TTC27: variants seen among roughly 807,000 people sequenced by gnomAD.
TTC27 encodes the protein tetratricopeptide repeat domain 27.
TTC27 carries 79 observed loss-of-function variants against 115.9 expected under a neutral mutation model. The ratio of observed to expected loss-of-function variants is 0.68; its 90% CI spans 0.57 to 0.82. The LOEUF is 0.82. Ranked by LOEUF, TTC27 falls within the 40% of genes least tolerant of loss-of-function variation. TTC27 has a pLI of 0.00. For synonymous variants in TTC27, 401 were observed against 356.0 expected, an observed-to-expected ratio of 1.13 and a Z score of -1.42; for missense variants, 1,054 against 993.1, an observed-to-expected ratio of 1.06 and a Z score of -0.82.
chr2:32,711,437 A>C (rs751078295), intron 10 of TTC27, among the ~76,000 whole-genome samples: 1 of 152,250 alleles, frequency 6.6e-6, no homozygotes, highest in Non-Finnish European at 1.5e-5. Flanking sequence ...CATTTAGCTC[A>C]TAATCTGAAC....
At chr2:32,652,685 G>A (rs938297346) in intron 5 of TTC27, among the ~76,000 whole-genome samples, 4 of 152,094 alleles carry the variant, frequency 2.6e-5, no homozygotes, top group Admixed American at 1.3e-4. Context: ...AAATAGATTC[G>A]TAGATAGTGC....
At chr2:32,646,305 G>A (rs1273731927) in intron 4 of TTC27, among the ~76,000 whole-genome samples, 1 of 152,078 alleles carries the variant, frequency 6.6e-6, no homozygotes, top group Admixed American at 6.6e-5. Context: ...TGGGATTACA[G>A]GTGTGAGCCA....
chr2:32,820,813 C>T lies in TTC27; in HGVS notation c.2410-3C>T. 1.3e-6 allele frequency: 2 copies of T among 1,527,672 alleles called. No individual in the cohort carries two copies. The highest frequency in any genetic ancestry group is 1.8e-6 in the Non-Finnish European group (2 of 1,133,020). 94.6% of individuals were successfully genotyped at this position (1,527,672 alleles called of 1,614,324 possible). A position where few individuals can be genotyped will look rare whatever the true frequency, so the allele number is the denominator to read the frequency against. ...TACTTCTGCTTTGTTTTTTATATTA[C>T]AGCAACTTTTTACAGATGTGGCAAC... On this transcript the variant is annotated splice_region_variant and splice_polypyrimidine_tract_variant and intron_variant, in intron 19 of 19. Transcript: ENST00000317907.
chr2:32,648,290 G>C (rs1354733569), intron 4 of TTC27, among the ~76,000 whole-genome samples: 1 of 152,012 alleles, frequency 6.6e-6, no homozygotes, highest in Non-Finnish European at 1.5e-5. Context: ...ACCACACCTG[G>C]CTAATTTTTC....
At chr2:32,679,021 A>G in intron 9 of TTC27, 99 bp downstream of exon 9, 1 of 979,034 alleles carries the variant, frequency 1.0e-6, no homozygotes, top group South Asian at 1.5e-5. Flanking sequence ...AAACACTGCC[A>G]CCTAAGGAAA....
intron 12 of TTC27, among the ~76,000 whole-genome samples, chr2:32,751,195 C>T (rs1318994082): frequency 6.6e-6 from 1 of 151,006 alleles, no homozygotes; most frequent in Non-Finnish European, 1.5e-5. Context: ...TTAAGTTTAT[C>T]ATAATCCATG....
At chr2:32,665,690 C>G (rs949006990) in intron 6 of TTC27, among the ~76,000 whole-genome samples, 2 of 151,958 alleles carry the variant, frequency 1.3e-5, no homozygotes, top group African/African-American at 2.4e-5. Flanking sequence ...GTCAGGAGAT[C>G]GAGACCATCC....
intron 5 of TTC27, among the ~76,000 whole-genome samples, chr2:32,660,023 G>C (rs891452514): frequency 1.3e-5 from 2 of 152,146 alleles, no homozygotes; most frequent in African/African-American, 2.4e-5. Context: ...TCCTTTGGGT[G>C]TATACCCAGT....
intron 9 of TTC27, among the ~76,000 whole-genome samples, chr2:32,700,236 C>G (rs906463851): frequency 6.6e-6 from 1 of 152,130 alleles, no homozygotes; most frequent in Non-Finnish European, 1.5e-5. Flanking sequence ...GCTCCCAACT[C>G]TGTGAGAGAT....
intron 8 of TTC27, among the ~76,000 whole-genome samples, chr2:32,672,717 A>AT (rs1172641751): frequency 6.6e-6 from 1 of 152,198 alleles, no homozygotes; most frequent in Non-Finnish European, 1.5e-5. Context: ...GGATAGGATT[A>AT]TTTTTTAATA....
At chr2:32,753,549 A>G (rs1270234031) in intron 12 of TTC27, among the ~76,000 whole-genome samples, 2 of 146,784 alleles carry the variant, frequency 1.4e-5, no homozygotes, top group Non-Finnish European at 3.0e-5. Context: ...TCCCAGGCTC[A>G]AGTGATTCTC....
intron 10 of TTC27, among the ~76,000 whole-genome samples, chr2:32,727,605 A>G (rs532974087): frequency 6.6e-6 from 1 of 152,276 alleles, no homozygotes; most frequent in South Asian, 2.1e-4. Flanking sequence ...TTCCTCCATA[A>G]ACTTCAAACA....
intron 9 of TTC27, among the ~76,000 whole-genome samples, chr2:32,700,577 G>A (rs1667149824): frequency 1.3e-5 from 2 of 151,864 alleles, no homozygotes; most frequent in Admixed American, 1.3e-4. Flanking sequence ...TGCGCTTGTT[G>A]CCTAGATCGA....
intron 3 of TTC27, among the ~76,000 whole-genome samples, chr2:32,636,236 C>A (rs542800631): frequency 6.6e-6 from 1 of 151,982 alleles, no homozygotes; most frequent in East Asian, 1.9e-4. Context: ...TGTTTTGAGA[C>A]GGAGTCTCAC....
At position 32,821,033 on chromosome 2, in the gene TTC27, A is replaced by C; in HGVS notation, c.*95A>C. 1 of 1,203,076 alleles carries C rather than the reference A, an allele frequency of 8.3e-7. No individual in the cohort carries two copies. Among genetic ancestry groups the C allele is most frequent in the Non-Finnish European group, 1.1e-6 (1 of 939,090 alleles). The allele number at this position is 1,203,076 out of a possible 1,614,324, so 74.5% of individuals were successfully genotyped here. On this transcript the variant is annotated 3_prime_UTR_variant, in exon 20 of 20. Coordinates refer to ENST00000317907, the MANE Select transcript of TTC27 (RefSeq NM_017735.5). ...ATGCAAGATATTGATTTTTAAAATA[A>C]ATTTGTTTTATGACTTAACATTCTT... is the stretch of plus-strand genomic sequence containing the variant.
At chr2:32,674,721 G>A (rs1213139127) in intron 8 of TTC27, among the ~76,000 whole-genome samples, 4 of 150,418 alleles carry the variant, frequency 2.7e-5, no homozygotes, top group African/African-American at 9.8e-5. Context: ...GTGCAGTGGC[G>A]CGATCTCGGC....
intron 9 of TTC27, among the ~76,000 whole-genome samples, chr2:32,685,750 A>T (rs1391906741): frequency 1.3e-5 from 2 of 152,220 alleles, no homozygotes; most frequent in Non-Finnish European, 2.9e-5. Flanking sequence ...GCATCTAGCT[A>T]AAATCATTAT....
At chr2:32,802,058 T>C (rs984698914) in intron 16 of TTC27, among the ~76,000 whole-genome samples, 9 of 152,020 alleles carry the variant, frequency 5.9e-5, no homozygotes, top group Middle Eastern at 3.4e-3. Context: ...GATATATGCA[T>C]ATTCTAGAAA....
intron 15 of TTC27, among the ~76,000 whole-genome samples, chr2:32,785,145 A>G (rs1273582790): frequency 6.6e-6 from 1 of 152,200 alleles, no homozygotes; most frequent in Non-Finnish European, 1.5e-5. Flanking sequence ...TTCACTCAGC[A>G]CTTTAAAAGT....
Sources: allele counts gnomAD v4.1 joint callset (sites outside exome capture counted in the v4.1 genomes callset), GRCh38; gene constraint gnomAD v4.1.1; transcripts MANE v1.5; gene names NCBI Gene and HGNC (gene_info 2026-07-23, HGNC 2026-07-21).